CADM1: variants seen among roughly 807,000 people sequenced by gnomAD.
CADM1 encodes the protein TSLC-1.
A neutral mutation model predicts 53.1 loss-of-function variants in CADM1; 15 were observed. The observed-to-expected ratio is 0.28, with a 90% CI of 0.19 to 0.44. The LOEUF (loss-of-function observed/expected upper bound fraction) is 0.44. Ranked by LOEUF, CADM1 falls within the 20% of genes least tolerant of loss-of-function variation. The probability of loss-of-function intolerance (pLI) is 1.00; values close to 1 mark genes in which losing one functional copy is unlikely to be tolerated. For synonymous variants in CADM1, 281 were observed against 243.0 expected (o/e 1.16, Z -1.45); for missense variants, 434 against 611.3 (o/e 0.71, Z 3.06).
chr11:115,347,442 A>G (rs532167684), intron 1 of CADM1, among the ~76,000 whole-genome samples: 47 of 152,306 alleles, frequency 3.1e-4, no homozygotes, highest in African/African-American at 1.1e-3. Flanking sequence ...TTAGCATCAC[A>G]TACAAGCTGC....
At chr11:115,347,788 A>G (rs1475645391) in intron 1 of CADM1, among the ~76,000 whole-genome samples, 1 of 152,196 alleles carries the variant, frequency 6.6e-6, no homozygotes, top group East Asian at 1.9e-4. Flanking sequence ...CTGCCATGCT[A>G]CAATAGTTTT....
At chr11:115,294,761 C>T (rs565489342) in intron 1 of CADM1, among the ~76,000 whole-genome samples, 8 of 162 alleles carry the variant, frequency 0.049, no homozygotes, top group South Asian at 0.17. Context: ...CTCAGCTGGG[C>T]GCAGTGCTCA....
At chr11:115,344,450 T>C (rs572377445) in intron 1 of CADM1, among the ~76,000 whole-genome samples, 6 of 152,168 alleles carry the variant, frequency 3.9e-5, no homozygotes, top group Non-Finnish European at 8.8e-5. Flanking sequence ...ACATTGTGGA[T>C]TATATCTACC....
intron 1 of CADM1, among the ~76,000 whole-genome samples, chr11:115,271,525 A>G (rs1345769211): frequency 6.6e-6 from 1 of 151,770 alleles, no homozygotes; most frequent in Non-Finnish European, 1.5e-5. Flanking sequence ...CTTGTGATCC[A>G]CCCGCCTCGG....
At chr11:115,489,693 G>A (rs1404912276) in intron 1 of CADM1, among the ~76,000 whole-genome samples, 1 of 152,190 alleles carries the variant, frequency 6.6e-6, no homozygotes, top group Non-Finnish European at 1.5e-5. Flanking sequence ...AAGAGACTCA[G>A]GCCATTCAGA....
At chr11:115,347,482 T>C (rs1448509663) in intron 1 of CADM1, among the ~76,000 whole-genome samples, 8 of 152,178 alleles carry the variant, frequency 5.3e-5, no homozygotes, top group Non-Finnish European at 1.2e-4. Flanking sequence ...ATTTCAGACT[T>C]TTCTGGTGAA....
chr11:115,185,154 G>T (rs1939484961), intron 10 of CADM1, among the ~76,000 whole-genome samples: 1 of 152,188 alleles, frequency 6.6e-6, no homozygotes, highest in South Asian at 2.1e-4. Context: ...CTCAGGGCTT[G>T]GAGTATCATA....
intron 1 of CADM1, among the ~76,000 whole-genome samples, chr11:115,473,160 G>A (rs963032353): frequency 6.6e-6 from 1 of 152,150 alleles, no homozygotes; most frequent in African/African-American, 2.4e-5. Context: ...AGTAATCTGA[G>A]GTTTAAAAAG....
At chr11:115,302,371 T>C (rs1944249528) in intron 1 of CADM1, among the ~76,000 whole-genome samples, 1 of 152,124 alleles carries the variant, frequency 6.6e-6, no homozygotes, top group African/African-American at 2.4e-5. Context: ...CCCATGTTTG[T>C]AACCCCAAAC....
chr11:115,363,227 C>T (rs186272404), intron 1 of CADM1, among the ~76,000 whole-genome samples: 161 of 152,196 alleles, frequency 1.1e-3, no homozygotes, highest in Admixed American at 2.0e-3. Context: ...GCCAAAATAC[C>T]GCAAGCATTC....
intron 1 of CADM1, among the ~76,000 whole-genome samples, chr11:115,394,515 T>A (rs1946940764): frequency 6.6e-6 from 1 of 152,176 alleles, no homozygotes; most frequent in South Asian, 2.1e-4. Flanking sequence ...GTCAGAACTT[T>A]ATTGCAAAGG....
intron 1 of CADM1, among the ~76,000 whole-genome samples, chr11:115,394,414 C>T (rs1371902072): frequency 6.6e-6 from 1 of 151,742 alleles, no homozygotes; most frequent in Admixed American, 6.6e-5. Context: ...CTATCTAGCT[C>T]CAGAGGGAAA....
chr11:115,354,692 A>G (rs138235621), intron 1 of CADM1, among the ~76,000 whole-genome samples: 184 of 152,304 alleles, frequency 1.2e-3, no homozygotes, highest in African/African-American at 4.0e-3. Flanking sequence ...GAAAGAGCCA[A>G]GTTTATGTAT....
At chr11:115,490,105 A>G (rs1949459070) in intron 1 of CADM1, among the ~76,000 whole-genome samples, 1 of 152,196 alleles carries the variant, frequency 6.6e-6, no homozygotes, top group African/African-American at 2.4e-5. Context: ...AGTGACATCT[A>G]AGGTGTATTT....
chr11:115,253,234 GTTCGGC>G (rs534962398), intron 1 of CADM1, among the ~76,000 whole-genome samples: 358 of 152,340 alleles, frequency 2.4e-3, no homozygotes, highest in African/African-American at 8.5e-3. Flanking sequence ...GTCTTAGCCT[GTTCGGC>G]TTGCACGTGT....
intron 1 of CADM1, among the ~76,000 whole-genome samples, chr11:115,295,550 A>ATATATATAT (rs371584699): frequency 3.8e-5 from 2 of 53,004 alleles, no homozygotes; most frequent in African/African-American, 2.7e-4. Flanking sequence ...ATATATATAT[A>ATATATATAT]ATATATATGT....
At chr11:115,452,115 T>C (rs1377637089) in intron 1 of CADM1, among the ~76,000 whole-genome samples, 1 of 144,954 alleles carries the variant, frequency 6.9e-6, no homozygotes, top group African/African-American at 2.6e-5. Context: ...ATTTCTTTTT[T>C]AAAATTTCTA....
At chr11:115,217,047 T>C (rs1941216964) in intron 6 of CADM1, among the ~76,000 whole-genome samples, 1 of 152,334 alleles carries the variant, frequency 6.6e-6, no homozygotes, top group Admixed American at 6.5e-5. Context: ...AATCCCAACA[T>C]TGACCTATTA....
At chr11:115,499,154 C>A (rs2135443007) in intron 1 of CADM1, among the ~76,000 whole-genome samples, 1 of 152,178 alleles carries the variant, frequency 6.6e-6, no homozygotes, top group Non-Finnish European at 1.5e-5. Flanking sequence ...TGAAAAGAGG[C>A]AAGTTCCTGG....
Sources: gnomAD v4.1 joint callset for allele counts (sites outside exome capture counted in the v4.1 genomes callset) on GRCh38, gnomAD v4.1.1 for gene constraint, MANE v1.5 for transcripts, NCBI Gene and HGNC (gene_info 2026-07-23, HGNC 2026-07-21) for gene names.